The following DRD3 variants were observed in gnomAD, a reference collection of about 807,000 sequenced individuals.
DRD3 encodes the protein D(3) dopamine receptor.
DRD3 carries 19 observed loss-of-function variants against 36.3 expected under a neutral mutation model. That is an observed-to-expected ratio of 0.52 (90% CI 0.36 to 0.77). The LOEUF (loss-of-function observed/expected upper bound fraction) is 0.77, where lower values mean the gene tolerates loss of function less well. Among genes scored for constraint, DRD3 ranks in the 30% least tolerant of loss-of-function variants. The pLI, the probability that DRD3 is intolerant of heterozygous loss-of-function variation, is 0.00. For missense variants in DRD3, 465 were observed against 505.3 expected (o/e 0.92, Z 0.77); for synonymous variants, 195 against 203.7 (o/e 0.96, Z 0.36).
intron 3 of DRD3, among the ~76,000 whole-genome samples, chr3:114,151,371 C>G (rs1223352448): frequency 6.6e-6 from 1 of 152,120 alleles, no homozygotes; most frequent in Admixed American, 6.5e-5. Context: ...AGAGCCTGAC[C>G]CTTCTGTGTA....
upstream of DRD3, among the ~76,000 whole-genome samples, chr3:114,180,843 C>T (rs191867598): frequency 6.6e-6 from 1 of 152,246 alleles, no homozygotes; most frequent in African/African-American, 2.4e-5. Flanking sequence ...ATATGCACTG[C>T]TAAAACTTGG....
chr3:114,148,053 A>G (rs324040), intron 3 of DRD3, among the ~76,000 whole-genome samples: 151,808 of 152,366 alleles, frequency 1, 75,631 homozygotes, highest in Middle Eastern at 1. Flanking sequence ...CAGAAAGGTC[A>G]AAAATAGCAG....
At chr3:114,159,932 T>C (rs868178187) in intron 2 of DRD3, 65 bp from the exon 3 acceptor site, 98 of 1,463,396 alleles carry the variant, frequency 6.7e-5, no homozygotes, top group Middle Eastern at 1.7e-4. Context: ...CAGTTGGCCC[T>C]ATTTTCTTTG....
rs368727669 is a variant in DRD3 at position 114,171,828 on chromosome 3, C to T, written c.165G>A (p.Leu55=). The stretch of plus-strand genomic sequence containing the variant: ...TGGTAGTCTGCAGGGCCCGCTCCTT[C>T]AGCACAGCCATGCACACCAGGCCAT... ...FGNGLVCMAV[L]KERALQTTTN... Residue 55 remains leucine (L), a synonymous_variant, in exon 2 of 7, where the codon CTG becomes CTA. Transcript: ENST00000383673. 4 of 1,614,096 alleles carry T rather than the reference C, an allele frequency of 2.5e-6. No homozygotes were observed. The highest frequency in any genetic ancestry group is 3.4e-6 in the Non-Finnish European group (4 of 1,179,976).
chr3:114,159,882 C>G lies in DRD3; in HGVS notation c.271-15G>C. On this transcript the variant is annotated splice_polypyrimidine_tract_variant and intron_variant, in intron 2 of 6. Transcript: ENST00000383673. ...CCACCTGTCACCTGGGTATCAGAGA[C>G]AAGGATGTTAGTGTTTACCCCAGTG... The G allele has an allele frequency of 1.9e-6, 3 of 1,612,176 alleles. No homozygotes were observed. The highest frequency in any genetic ancestry group is 2.5e-6 in the Non-Finnish European group (3 of 1,178,254).
rs75669956 is a variant in DRD3, at chr3:114,127,771, A to T, written c.*945T>A. 5.9e-4 allele frequency among the ~76,000 whole-genome samples: 90 copies of T among 152,264 alleles called. No individual in the cohort carries two copies. Among genetic ancestry groups the T allele is most frequent in the African/African-American group, 2.1e-3 (87 of 41,548 alleles). On this transcript the variant is annotated 3_prime_UTR_variant, in exon 7 of 7. Coordinates refer to ENST00000383673, the MANE Select transcript of DRD3 (RefSeq NM_000796.6). ...TAAGTGATAGAAATTCTTCAGCTCC[A>T]TTATTATCTTATGAGACCACCGTTG...
chr3:114,172,638 A>G lies in DRD3; in HGVS notation c.-35-611T>C, dbSNP rs376630670. Among the ~76,000 whole-genome samples, 25 of 152,320 alleles carry G rather than the reference A, an allele frequency of 1.6e-4. No homozygotes were observed. The East Asian group carries it at 2.1e-3, about 13-fold the overall frequency. ...TCTGAGTGAGATGGGAAGCTGTTGCAGGATTACAATCCCAGCTCTGCTGCT... is the reference window on the plus strand; with the variant it reads ...TCTGAGTGAGATGGGAAGCTGTTGCGGGATTACAATCCCAGCTCTGCTGCT... On this transcript the variant is annotated intron_variant, in intron 1 of 6. Coordinates refer to ENST00000383673, the MANE Select transcript of DRD3 (RefSeq NM_000796.6).
At chr3:114,167,260 C>T (rs556601391) in intron 2 of DRD3, among the ~76,000 whole-genome samples, 20 of 152,234 alleles carry the variant, frequency 1.3e-4, no homozygotes, top group South Asian at 2.1e-4. Flanking sequence ...TTCCCCTGGC[C>T]GCTTATACTG....
intron 2 of DRD3, 24 bp from the exon 3 acceptor site, chr3:114,159,891 T>C: frequency 6.2e-7 from 1 of 1,606,510 alleles, no homozygotes; most frequent in Non-Finnish European, 8.5e-7. Context: ...ACAAGGATGT[T>C]AGTGTTTACC....
In DRD3 at chr3:114,139,531, C is replaced by T. The variant is rs761140776; in HGVS notation, c.692G>A (p.Cys231Tyr). Residue 231 changes from cysteine to tyrosine, a missense_variant, in exon 5 of 7, where the codon TGC (cysteine) becomes TAC (tyrosine). Transcript: ENST00000383673. ...KRILTRQNSQ[C>Y]NSVRPGFPQQ... is the part of the protein sequence containing the mutation. Reference sequence around the variant, plus strand: ...GGGGAAGCCAGGCCTGACACTGTTGCACTGACTGTTCTGTCGAGTGAGGAT... The same window carrying T: ...GGGGAAGCCAGGCCTGACACTGTTGTACTGACTGTTCTGTCGAGTGAGGAT... 22 of 1,613,874 alleles carry T rather than the reference C, an allele frequency of 1.4e-5. No homozygotes were observed. Among genetic ancestry groups the T allele is most frequent in the Non-Finnish European group, 1.9e-5 (22 of 1,179,948 alleles).
At chr3:114,135,040 A>G (rs921207920) in intron 5 of DRD3, among the ~76,000 whole-genome samples, 2 of 152,090 alleles carry the variant, frequency 1.3e-5, no homozygotes, top group Non-Finnish European at 2.9e-5. Flanking sequence ...ATTTAATTGT[A>G]TGTTTGTACC....
At chr3:114,137,930 G>A (rs1207224760) in intron 5 of DRD3, among the ~76,000 whole-genome samples, 4 of 147,490 alleles carry the variant, frequency 2.7e-5, no homozygotes, top group African/African-American at 7.5e-5. Flanking sequence ...CCCGGGAGGC[G>A]GAGCTTGCAG....
chr3:114,131,540 A>G (rs2077431100), intron 5 of DRD3, 140 bp from the exon 6 acceptor site: 1 of 1,197,190 alleles, frequency 8.4e-7, no homozygotes, highest in Non-Finnish European at 1.1e-6. Flanking sequence ...CATCTGAGGG[A>G]GTGGTGGGAC....
intron 6 of DRD3, 136 bp from the exon 7 acceptor site, chr3:114,129,048 T>A (rs965463972): frequency 1.4e-4 from 126 of 923,608 alleles, no homozygotes; most frequent in Non-Finnish European, 1.9e-4. Flanking sequence ...TACTTTTTTT[T>A]ATAACAACCC....
In DRD3 at chr3:114,158,822, T is replaced by C. The variant is rs538983909; in HGVS notation, c.383+933A>G. Among the ~76,000 whole-genome samples, 99 of 152,216 alleles carry C rather than the reference T, an allele frequency of 6.5e-4. 1 individual carries two copies. Among genetic ancestry groups the C allele is most frequent in the African/African-American group, 2.3e-3 (97 of 41,532 alleles). ...TTGGAGCTATGAGGTGGATGGATGA[T>C]ATTACTGGGAGAAGGAGAAGAAGCG... On this transcript the variant is annotated intron_variant, in intron 3 of 6. Transcript: ENST00000383673.
At chr3:114,169,620 A>T (rs966455732) in intron 2 of DRD3, among the ~76,000 whole-genome samples, 9 of 152,158 alleles carry the variant, frequency 5.9e-5, no homozygotes, top group Admixed American at 2.6e-4. Flanking sequence ...AGCTGTTCTC[A>T]TGGAAGAAAA....
rs75339852 is a variant in DRD3, at chr3:114,129,582, A to T, written c.1007-670T>A. On this transcript the variant is annotated intron_variant, in intron 6 of 6. Coordinates refer to ENST00000383673, the MANE Select transcript of DRD3 (RefSeq NM_000796.6). Reference sequence around the variant, plus strand: ...AACATGATCCTAGGCACTGATAGGTATGAAGACCTTAAAGATGTGACTGAC... The same window carrying T: ...AACATGATCCTAGGCACTGATAGGTTTGAAGACCTTAAAGATGTGACTGAC... Among the ~76,000 whole-genome samples the T allele has an allele frequency of 4.6e-5, 7 of 152,336 alleles. No individual in the cohort carries two copies. The East Asian group carries it at 1.3e-3, about 29-fold the overall frequency.
intron 1 of DRD3, among the ~76,000 whole-genome samples, chr3:114,193,463 A>G (rs989056906): frequency 2.6e-5 from 4 of 152,192 alleles, no homozygotes; most frequent in African/African-American, 9.6e-5. Context: ...TCTGACCTGA[A>G]TAAATAAGGG....
chr3:114,143,809 T>C (rs1036474114), intron 4 of DRD3, among the ~76,000 whole-genome samples: 1 of 152,274 alleles, frequency 6.6e-6, no homozygotes, highest in African/African-American at 2.4e-5. Context: ...TAGAGTTTTC[T>C]TAACTTTAAG....
Sources: allele counts gnomAD v4.1 joint callset (sites outside exome capture counted in the v4.1 genomes callset), GRCh38; gene constraint gnomAD v4.1.1; transcripts MANE v1.5; gene names NCBI Gene and HGNC (gene_info 2026-07-23, HGNC 2026-07-21).